Variants in PLCB1 observed in about 807,000 individuals in gnomAD.
PLCB1 encodes the protein 1-phosphatidylinositol 4,5-bisphosphate phosphodiesterase beta-1.
Under a neutral mutation model 161.8 loss-of-function variants are expected in PLCB1, and 46 were observed. That is an observed-to-expected ratio of 0.28 (90% CI 0.22 to 0.36). The LOEUF (loss-of-function observed/expected upper bound fraction) is 0.36, where lower values mean the gene tolerates loss of function less well. PLCB1 is among the 10% of genes least tolerant of loss of function. PLCB1 has a pLI of 1.00. For missense variants in PLCB1, 1,016 were observed against 1,472.5 expected (o/e 0.69, Z 5.07); for synonymous variants, 517 against 503.7 (o/e 1.03, Z -0.35).
chr20:8,428,419 C>A (rs1233590570), intron 3 of PLCB1, among the ~76,000 whole-genome samples: 2 of 152,124 alleles, frequency 1.3e-5, no homozygotes, highest in Non-Finnish European at 2.9e-5. Flanking sequence ...TGTGGTTTTG[C>A]CATGTTGGCC....
chr20:8,236,161 C>G (rs946425724), intron 2 of PLCB1, among the ~76,000 whole-genome samples: 1 of 152,022 alleles, frequency 6.6e-6, no homozygotes, highest in African/African-American at 2.4e-5. Context: ...TGTAAGACAA[C>G]TAATATAGCA....
At chr20:8,514,985 T>C (rs2122863357) in intron 3 of PLCB1, among the ~76,000 whole-genome samples, 1 of 152,290 alleles carries the variant, frequency 6.6e-6, no homozygotes, top group South Asian at 2.1e-4. Flanking sequence ...GCCTACACAC[T>C]ACTCTTTGAG....
chr20:8,264,858 A>G (rs1981876473), intron 2 of PLCB1, among the ~76,000 whole-genome samples: 1 of 152,214 alleles, frequency 6.6e-6, no homozygotes, highest in South Asian at 2.1e-4. Flanking sequence ...ATGAAGTTTC[A>G]TTCTAAAGAA....
intron 3 of PLCB1, among the ~76,000 whole-genome samples, chr20:8,423,477 C>T (rs1050684224): frequency 3.3e-5 from 5 of 152,140 alleles, no homozygotes; most frequent in African/African-American, 1.2e-4. Flanking sequence ...AAGGAAATTT[C>T]TTGAGTGAGA....
chr20:8,339,311 T>C (rs969260176), intron 2 of PLCB1, among the ~76,000 whole-genome samples: 2 of 152,178 alleles, frequency 1.3e-5, no homozygotes, highest in Non-Finnish European at 2.9e-5. Flanking sequence ...TGCTGTCACT[T>C]GCTCCTCATG....
chr20:8,318,635 A>G (rs560551521), intron 2 of PLCB1, among the ~76,000 whole-genome samples: 51 of 152,050 alleles, frequency 3.4e-4, no homozygotes, highest in Admixed American at 1.0e-3. Context: ...TTTTATTATC[A>G]TTTTTATCCA....
At chr20:8,570,494 A>G (rs997680292) in intron 3 of PLCB1, among the ~76,000 whole-genome samples, 6 of 152,212 alleles carry the variant, frequency 3.9e-5, no homozygotes, top group Non-Finnish European at 8.8e-5. Flanking sequence ...AACTGCACTT[A>G]CCACGCTGAT....
intron 3 of PLCB1, among the ~76,000 whole-genome samples, chr20:8,444,389 T>C (rs1355019957): frequency 2.6e-5 from 4 of 152,246 alleles, no homozygotes; most frequent in Non-Finnish European, 5.9e-5. Flanking sequence ...CATCCTTTTT[T>C]ATGGCTGCAT....
intron 3 of PLCB1, among the ~76,000 whole-genome samples, chr20:8,457,398 G>T (rs1413539797): frequency 1.3e-5 from 2 of 152,132 alleles, no homozygotes; most frequent in Non-Finnish European, 2.9e-5. Context: ...AATGCCAGTT[G>T]TGTGTCCTTA....
chr20:8,666,382 G>T (rs116812437), intron 9 of PLCB1, among the ~76,000 whole-genome samples: 1 of 152,220 alleles, frequency 6.6e-6, no homozygotes, highest in Non-Finnish European at 1.5e-5. Flanking sequence ...GGAATCAAAA[G>T]TGAAAGATGG....
At chr20:8,771,735 T>C (rs1298959275) in intron 26 of PLCB1, among the ~76,000 whole-genome samples, 1 of 152,188 alleles carries the variant, frequency 6.6e-6, no homozygotes, top group African/African-American at 2.4e-5. Flanking sequence ...TGAGGAGCTT[T>C]TCTTCAAGTG....
At chr20:8,462,985 G>A (rs1169044440) in intron 3 of PLCB1, among the ~76,000 whole-genome samples, 1 of 152,084 alleles carries the variant, frequency 6.6e-6, no homozygotes, top group South Asian at 2.1e-4. Context: ...GAATAAATGA[G>A]AATTTATTTA....
chr20:8,339,107 C>A (rs1473384897), intron 2 of PLCB1, among the ~76,000 whole-genome samples: 2 of 152,156 alleles, frequency 1.3e-5, no homozygotes, highest in African/African-American at 4.8e-5. Flanking sequence ...CTGCCATAAA[C>A]AATTTTGTAC....
At chr20:8,568,635 A>G (rs928155204) in intron 3 of PLCB1, among the ~76,000 whole-genome samples, 7 of 151,436 alleles carry the variant, frequency 4.6e-5, no homozygotes, top group African/African-American at 1.5e-4. Context: ...CTTATTTCCA[A>G]AGAAAAGTGA....
At chr20:8,476,086 G>A (rs1397379136) in intron 3 of PLCB1, among the ~76,000 whole-genome samples, 1 of 152,150 alleles carries the variant, frequency 6.6e-6, no homozygotes, top group Admixed American at 6.6e-5. Flanking sequence ...GTCATTTCCG[G>A]CACCAACCAA....
At chr20:8,199,590 T>G (rs1331786824) in intron 2 of PLCB1, among the ~76,000 whole-genome samples, 2 of 152,160 alleles carry the variant, frequency 1.3e-5, no homozygotes, top group Non-Finnish European at 2.9e-5. Flanking sequence ...TTTGGTGATT[T>G]GTTGCTTATA....
At chr20:8,591,718 A>T (rs1052297885) in intron 3 of PLCB1, among the ~76,000 whole-genome samples, 1 of 152,158 alleles carries the variant, frequency 6.6e-6, no homozygotes, top group Non-Finnish European at 1.5e-5. Flanking sequence ...GTTGTTAAGC[A>T]CTTTTTTCCC....
Position 8,211,840 on chromosome 20 carries a change from A to T in PLCB1, c.177+61469A>T, listed in dbSNP as rs545626899. On this transcript the variant is annotated intron_variant, in intron 2 of 31. Transcript: ENST00000338037. ...AATAAATCATTAAAAGCAGTTCATT[A>T]TCTATAAATCTTTCCTGGGTTAAAA... Among the ~76,000 whole-genome samples the T allele has an allele frequency of 6.2e-4, 95 of 152,270 alleles. 2 individuals are homozygous for T. The highest frequency in any genetic ancestry group is 2.2e-3 in the African/African-American group (91 of 41,572).
In PLCB1 at chr20:8,132,836, A is replaced by C. The variant is rs967738675; in HGVS notation, c.99+86A>C. 4.4e-6 allele frequency: 4 copies of C among 904,094 alleles called. No individual in the cohort carries two copies. In the African/African-American group the frequency reaches 5.1e-5, roughly 11 times the overall value. The allele number at this position is 904,094 out of a possible 1,614,324, so 56.0% of individuals were successfully genotyped here. ...GTGGGGGTGGGGCAAGGGGCGCGTT[A>C]TGCAATGGGCGCACTGGGAGCGGGC... On this transcript the variant is annotated intron_variant, in intron 1 of 31. Transcript: ENST00000338037. The surrounding 1 kb of genome is among the most constrained non-coding windows in gnomAD (Gnocchi z 5.2).
Sources: gnomAD v4.1 joint callset for allele counts (sites outside exome capture counted in the v4.1 genomes callset) on GRCh38, gnomAD v4.1.1 for gene constraint, Gnocchi (gnomAD v3.1) non-coding constraint, MANE v1.5 for transcripts, NCBI Gene and HGNC (gene_info 2026-07-23, HGNC 2026-07-21) for gene names.